Variants in DUSP16 observed in about 807,000 individuals in gnomAD.
DUSP16 encodes dual specificity protein phosphatase 16.
A neutral mutation model predicts 58.3 loss-of-function variants in DUSP16; 21 were observed. The observed-to-expected ratio is 0.36, with a 90% CI of 0.26 to 0.52. The LOEUF (loss-of-function observed/expected upper bound fraction) is 0.52. Ranked by LOEUF, DUSP16 falls within the 20% of genes least tolerant of loss-of-function variation. The probability of loss-of-function intolerance (pLI) is 0.94; values close to 1 mark genes in which losing one functional copy is unlikely to be tolerated. For missense variants in DUSP16, 726 were observed against 819.0 expected (o/e 0.89, Z 1.39); for synonymous variants, 320 against 323.8 (o/e 0.99, Z 0.12).
chr12:12,541,070 C>G (rs373737675), intron 1 of DUSP16, among the ~76,000 whole-genome samples: 12 of 150,828 alleles, frequency 8.0e-5, no homozygotes, highest in Admixed American at 7.3e-4. Context: ...GTGATCCCCC[C>G]AGCTCAGCCT....
chr12:12,488,406 T>C (rs1053392026), intron 4 of DUSP16, among the ~76,000 whole-genome samples: 2 of 152,224 alleles, frequency 1.3e-5, no homozygotes, highest in Non-Finnish European at 2.9e-5. Flanking sequence ...TCCCCTGTTA[T>C]GTAATGAAGT....
At chr12:12,524,586 A>G (rs2136235395) in intron 1 of DUSP16, among the ~76,000 whole-genome samples, 1 of 152,342 alleles carries the variant, frequency 6.6e-6, no homozygotes, top group South Asian at 2.1e-4. Context: ...GATTTGAAAG[A>G]TGACAAGAGA....
At chr12:12,516,282 G>T (rs1256616558) in intron 3 of DUSP16, among the ~76,000 whole-genome samples, 1 of 152,110 alleles carries the variant, frequency 6.6e-6, no homozygotes, top group African/African-American at 2.4e-5. Flanking sequence ...TGGAAATAGA[G>T]GGGTGCACCA....
intron 1 of DUSP16, among the ~76,000 whole-genome samples, chr12:12,538,843 A>G (rs994373059): frequency 6.6e-6 from 1 of 152,214 alleles, no homozygotes; most frequent in Non-Finnish European, 1.5e-5. Context: ...TATGTAATAA[A>G]ATATAAAGCA....
At chr12:12,540,082 G>C (rs1268443037) in intron 1 of DUSP16, among the ~76,000 whole-genome samples, 2 of 150,898 alleles carry the variant, frequency 1.3e-5, no homozygotes, top group Non-Finnish European at 3.0e-5. Context: ...AATGAGACCA[G>C]GAGTTTGAGA....
chr12:12,519,756 C>G (rs2136231399), intron 3 of DUSP16, 106 bp downstream of exon 3: 2 of 1,130,780 alleles, frequency 1.8e-6, no homozygotes, highest in East Asian at 4.8e-5. Flanking sequence ...AATCATTTTA[C>G]ACAGCAAAGT....
intron 4 of DUSP16, among the ~76,000 whole-genome samples, chr12:12,492,961 A>T (rs1209882865): frequency 6.6e-6 from 1 of 150,952 alleles, no homozygotes; most frequent in Non-Finnish European, 1.5e-5. Context: ...GTCATTCTCA[A>T]CTCCCCAGAC....
Position 12,477,202 on chromosome 12 carries a change from G to T in DUSP16, c.1629C>A (p.Ile543=). The T allele has an allele frequency of 1.9e-6, 3 of 1,614,228 alleles. No individual in the cohort carries two copies. The highest frequency in any genetic ancestry group is 2.5e-6 in the Non-Finnish European group (3 of 1,180,026). ...GLGLKGWHSD[I]LAPQTSTPSL... ...AAGGGGTAGAGGTCTGGGGGGCCAAGATATCCGAGTGCCAGCCCTTAAGGC... is the reference window on the plus strand; with the variant it reads ...AAGGGGTAGAGGTCTGGGGGGCCAATATATCCGAGTGCCAGCCCTTAAGGC... Residue 543 remains isoleucine, a synonymous_variant, in exon 7 of 7, where the codon ATC becomes ATA. Coordinates refer to ENST00000298573, the MANE Select transcript of DUSP16 (RefSeq NM_030640.3). This position sits in a 1 kb window ranked among gnomAD's most constrained non-coding sequence, Gnocchi z 4.1.
Position 12,500,536 on chromosome 12 carries a change from G to A in DUSP16, c.514C>T (p.Arg172Ter), listed in dbSNP as rs1320499832. The A allele has an allele frequency of 1.2e-6, 2 of 1,609,308 alleles. No homozygotes were observed. The highest frequency in any genetic ancestry group is 1.7e-6 in the Non-Finnish European group (2 of 1,178,256). ...ILPNLYLGCQRDVLNKELMQQ... is the reference protein window; with the variant it reads ...ILPNLYLGCQ ...GCACCCACCTTGTTGAGGACATCTC[G>A]CTGGCAGCCAAGATAAAGATTGGGA... The change falls in exon 4 of 7, where the codon CGA becomes TGA. Residue 172 changes from arginine to a stop codon, truncating the protein, a stop_gained. Transcript: ENST00000298573. LOFTEE classifies it high-confidence loss of function.
chr12:12,503,705 G>A (rs1015004481), intron 3 of DUSP16, among the ~76,000 whole-genome samples: 7 of 152,188 alleles, frequency 4.6e-5, no homozygotes, highest in Non-Finnish European at 1.0e-4. Flanking sequence ...AAAAGTGAGA[G>A]AAATATTGTA....
rs1943415904 is a variant in DUSP16, at chr12:12,475,638, ACAT to A, written c.*1192_*1194del. On this transcript the variant is annotated 3_prime_UTR_variant, in exon 7 of 7. Transcript: ENST00000298573. ...GTGAAAGTCTGAGGCAATCATAGAAACATCAGCCCCATCGCATGCCGAGGGGAT... is the reference window on the plus strand; with the variant it reads ...GTGAAAGTCTGAGGCAATCATAGAAACAGCCCCATCGCATGCCGAGGGGAT... The A allele has an allele frequency of 6.6e-6, 1 of 152,188 alleles. No individual in the cohort carries two copies. The highest frequency in any genetic ancestry group is 6.5e-5 in the Admixed American group (1 of 15,284). The allele number at this position is 152,188 out of a possible 1,614,324, so 9.4% of individuals were successfully genotyped here.
At chr12:12,486,942 C>A in intron 5 of DUSP16, 86 bp downstream of exon 5, 1 of 1,510,950 alleles carries the variant, frequency 6.6e-7, no homozygotes, top group Non-Finnish European at 9.1e-7. Context: ...CTCCTTTTCT[C>A]TAAAGAAAAA....
At chr12:12,507,729 C>T (rs1944017941) in intron 3 of DUSP16, among the ~76,000 whole-genome samples, 2 of 152,204 alleles carry the variant, frequency 1.3e-5, no homozygotes, top group South Asian at 4.1e-4. Context: ...CCTGCCTCAG[C>T]CTCCCGAGTA....
intron 4 of DUSP16, among the ~76,000 whole-genome samples, chr12:12,489,386 C>A (rs1025521829): frequency 6.6e-6 from 1 of 152,148 alleles, no homozygotes; most frequent in Admixed American, 6.5e-5. Context: ...CTAGTACTAT[C>A]TGATCAACAA....
Position 12,521,004 on chromosome 12 carries a change from C to T in DUSP16, c.95G>A (p.Arg32Gln), listed in dbSNP as rs756757334. The change falls in exon 2 of 7, where the codon CGG becomes CAG. Residue 32 changes from arginine (R) to glutamine (Q), a missense_variant. Transcript: ENST00000298573. ...GGATGTATTGTATTCCACAAATGGC[C>T]GGCTATCAATTAGCAGCACTTTTTC... is the stretch of plus-strand genomic sequence containing the variant. ...GTEKVLLIDS[R>Q]PFVEYNTSHI... is the part of the protein sequence containing the mutation. 5.0e-6 allele frequency: 8 copies of T among 1,614,052 alleles called. No homozygotes were observed. The highest frequency in any genetic ancestry group is 2.2e-5 in the East Asian group (1 of 44,902).
chr12:12,502,753 G>A (rs1215062160), intron 3 of DUSP16, among the ~76,000 whole-genome samples: 1 of 152,052 alleles, frequency 6.6e-6, no homozygotes, highest in Non-Finnish European at 1.5e-5. Context: ...GTTTCTCCAT[G>A]TTGGTCAGGC....
At position 12,562,766 on chromosome 12, in the gene DUSP16, A is replaced by T. The variant is rs1441917684; in HGVS notation, c.-1015T>A. 9.2e-5 allele frequency among the ~76,000 whole-genome samples: 14 copies of T among 151,428 alleles called. No homozygotes were observed. Among genetic ancestry groups the T allele is most frequent in the Non-Finnish European group, 1.6e-4 (11 of 67,692 alleles). ...GCCGGGCGGGGCCGCGCGCTCGCCCATCCCGCGGCCGCCCGAGCCCGGAGC... is the reference window on the plus strand; with the variant it reads ...GCCGGGCGGGGCCGCGCGCTCGCCCTTCCCGCGGCCGCCCGAGCCCGGAGC... On this transcript the variant is annotated 5_prime_UTR_variant, in exon 1 of 7. An upstream start codon of the reference 5' UTR is lost. Coordinates refer to ENST00000298573, the MANE Select transcript of DUSP16 (RefSeq NM_030640.3).
intron 3 of DUSP16, among the ~76,000 whole-genome samples, chr12:12,519,158 A>G (rs914455563): frequency 1.3e-5 from 2 of 152,250 alleles, no homozygotes; most frequent in Admixed American, 1.3e-4. Flanking sequence ...AAGGATGAAT[A>G]GCCTTCTTTG....
At chr12:12,488,434 A>G (rs528448760) in intron 4 of DUSP16, among the ~76,000 whole-genome samples, 28 of 152,310 alleles carry the variant, frequency 1.8e-4, no homozygotes, top group African/African-American at 6.7e-4. Context: ...AAGATCTTGG[A>G]CCGCGTCTTG....
Sources: gnomAD v4.1 joint callset for allele counts (sites outside exome capture counted in the v4.1 genomes callset) on GRCh38, gnomAD v4.1.1 for gene constraint, Gnocchi (gnomAD v3.1) non-coding constraint, MANE v1.5 for transcripts, NCBI Gene and HGNC (gene_info 2026-07-23, HGNC 2026-07-21) for gene names.